The following PLCB1 variants were observed in gnomAD, a reference collection of about 807,000 sequenced individuals.
The protein encoded by PLCB1 is 1-phosphatidylinositol 4,5-bisphosphate phosphodiesterase beta-1.
A neutral mutation model predicts 161.8 loss-of-function variants in PLCB1; 46 were observed. That is an observed-to-expected ratio of 0.28 (90% CI 0.22 to 0.36). The LOEUF (loss-of-function observed/expected upper bound fraction) is 0.36. PLCB1 is among the 10% of genes least tolerant of loss of function. The pLI is 1.00. For synonymous variants in PLCB1, 517 were observed against 503.7 expected, an observed-to-expected ratio of 1.03 and a Z score of -0.35; for missense variants, 1,016 against 1,472.5, an observed-to-expected ratio of 0.69 and a Z score of 5.07.
rs542574255 is a variant in PLCB1 at position 8,228,899 on chromosome 20, A to G, written c.177+78528A>G. 8.5e-5 allele frequency among the ~76,000 whole-genome samples: 13 copies of G among 152,256 alleles called. No homozygotes were observed. The East Asian group carries it at 2.3e-3, about 27-fold the overall frequency. ...GCTCACAATTTGTTTTGTTGGGAAC[A>G]TTCAAAATCCTGTCTTATATATATT... On this transcript the variant is annotated intron_variant, in intron 2 of 31. Transcript: ENST00000338037.
intron 2 of PLCB1, among the ~76,000 whole-genome samples, chr20:8,354,943 A>G (rs1202772137): frequency 6.6e-6 from 1 of 152,170 alleles, no homozygotes; most frequent in African/African-American, 2.4e-5. Flanking sequence ...CATATATTAG[A>G]GAACGCTTGC....
At chr20:8,721,421 T>A (rs1488754891) in intron 14 of PLCB1, among the ~76,000 whole-genome samples, 1 of 152,232 alleles carries the variant, frequency 6.6e-6, no homozygotes. Context: ...AAATCTTTTT[T>A]ATATAACGGA....
At chr20:8,671,825 TC>T (rs1417397022) in intron 9 of PLCB1, among the ~76,000 whole-genome samples, 1 of 152,170 alleles carries the variant, frequency 6.6e-6, no homozygotes, top group African/African-American at 2.4e-5. Context: ...TATCTGTCTT[TC>T]CATTGCCCAG....
At chr20:8,240,531 A>AT (rs1317298221) in intron 2 of PLCB1, among the ~76,000 whole-genome samples, 4 of 151,340 alleles carry the variant, frequency 2.6e-5, no homozygotes, top group African/African-American at 9.7e-5. Context: ...GCTTGTTTTA[A>AT]TTTTTTTTCT....
chr20:8,860,316 G>A (rs1029657431), intron 31 of PLCB1, among the ~76,000 whole-genome samples: 7 of 152,190 alleles, frequency 4.6e-5, no homozygotes, highest in Non-Finnish European at 7.4e-5. Context: ...CTGGCAATAA[G>A]TTCATTTCCA....
chr20:8,601,951 C>G (rs1399708222), intron 3 of PLCB1, among the ~76,000 whole-genome samples: 1 of 152,178 alleles, frequency 6.6e-6, no homozygotes, highest in African/African-American at 2.4e-5. Context: ...CTCTTTCCCT[C>G]CCTTGCAGCA....
rs748166837 is a variant in PLCB1 at position 8,406,770 on chromosome 20, G to GA, written c.246+35326dup. Among the ~76,000 whole-genome samples, 14 of 152,174 alleles carry GA rather than the reference G, an allele frequency of 9.2e-5. No homozygotes were observed. The East Asian group carries it at 9.7e-4, about 11-fold the overall frequency. ...TTACCAGTATTACAGTAAATTCCCAGAAAAAACAAGAATTATAGTGATTTT... is the reference window on the plus strand; with the variant it reads ...TTACCAGTATTACAGTAAATTCCCAGAAAAAAACAAGAATTATAGTGATTTT... On this transcript the variant is annotated intron_variant, in intron 3 of 31. Coordinates refer to ENST00000338037, the MANE Select transcript of PLCB1 (RefSeq NM_015192.4).
chr20:8,272,626 AC>A (rs11475799), intron 2 of PLCB1, among the ~76,000 whole-genome samples: 11,487 of 152,054 alleles, frequency 0.076, 543 homozygotes, highest in East Asian at 0.18. Flanking sequence ...AGAAAACTAC[AC>A]TCCAAACCAG....
intron 31 of PLCB1, among the ~76,000 whole-genome samples, chr20:8,838,963 C>A (rs375008869): frequency 3.9e-5 from 6 of 152,284 alleles, no homozygotes; most frequent in African/African-American, 9.6e-5. Flanking sequence ...TCAAGGCCAG[C>A]AATACACCTA....
chr20:8,864,250 A>C (rs1434580821), intron 31 of PLCB1, among the ~76,000 whole-genome samples: 1 of 152,200 alleles, frequency 6.6e-6, no homozygotes, highest in Non-Finnish European at 1.5e-5. Flanking sequence ...AGTAATATCC[A>C]GCTCTTCTGG....
intron 23 of PLCB1, among the ~76,000 whole-genome samples, chr20:8,746,055 C>T (rs955929376): frequency 6.6e-6 from 1 of 152,130 alleles, no homozygotes; most frequent in Admixed American, 6.6e-5. Flanking sequence ...CCTCAGCCAC[C>T]CAAGTAGCCG....
At chr20:8,795,877 CAAA>C (rs368453811) in intron 31 of PLCB1, among the ~76,000 whole-genome samples, 1 of 71,744 alleles carries the variant, frequency 1.4e-5, no homozygotes. Flanking sequence ...CACCCTGTCT[CAAA>C]AAAAAAAAAA....
intron 2 of PLCB1, among the ~76,000 whole-genome samples, chr20:8,199,370 C>G (rs2052065072): frequency 1.3e-5 from 2 of 152,114 alleles, no homozygotes; most frequent in Admixed American, 6.6e-5. Flanking sequence ...AAAATTGAGT[C>G]TTATTGCATA....
chr20:8,229,408 G>C lies in PLCB1; in HGVS notation c.177+79037G>C, dbSNP rs552245198. 1.3e-3 allele frequency among the ~76,000 whole-genome samples: 193 copies of C among 152,102 alleles called. 2 individuals are homozygous for C. Among genetic ancestry groups the C allele is most frequent in the Non-Finnish European group, 3.7e-4 (25 of 68,006 alleles). The stretch of plus-strand genomic sequence containing the variant: ...TATCTTCCTGTGAGATTTTAAAACA[G>C]CTTGGTTCATAATTCAGGTAGCACT... On this transcript the variant is annotated intron_variant, in intron 2 of 31. Coordinates refer to ENST00000338037, the MANE Select transcript of PLCB1 (RefSeq NM_015192.4).
intron 3 of PLCB1, among the ~76,000 whole-genome samples, chr20:8,421,599 C>T (rs2122547065): frequency 6.6e-6 from 1 of 152,242 alleles, no homozygotes; most frequent in East Asian, 1.9e-4. Flanking sequence ...GACTTTAAGT[C>T]CTACATTAAA....
At chr20:8,364,317 T>C (rs1397006244) in intron 2 of PLCB1, among the ~76,000 whole-genome samples, 2 of 152,196 alleles carry the variant, frequency 1.3e-5, no homozygotes, top group African/African-American at 4.8e-5. Flanking sequence ...GCCAATAACA[T>C]TGGGCCAAAT....
chr20:8,339,298 G>T (rs1164338447), intron 2 of PLCB1, among the ~76,000 whole-genome samples: 1 of 152,166 alleles, frequency 6.6e-6, no homozygotes, highest in Non-Finnish European at 1.5e-5. Flanking sequence ...GATCACAGTG[G>T]TATGCTGTCA....
chr20:8,282,389 TA>T (rs1259979864), intron 2 of PLCB1, among the ~76,000 whole-genome samples: 3 of 152,182 alleles, frequency 2.0e-5, no homozygotes, highest in Non-Finnish European at 4.4e-5. Context: ...ACCTGTTGAG[TA>T]AAAGAAAAGC....
At chr20:8,384,274 T>C (rs896428194) in intron 3 of PLCB1, among the ~76,000 whole-genome samples, 1 of 151,896 alleles carries the variant, frequency 6.6e-6, no homozygotes, top group Non-Finnish European at 1.5e-5. Flanking sequence ...AGCAAGGTGG[T>C]CTTCAAACTC....
Sources: gnomAD v4.1 joint callset for allele counts (sites outside exome capture counted in the v4.1 genomes callset) on GRCh38, gnomAD v4.1.1 for gene constraint, MANE v1.5 for transcripts, NCBI Gene and HGNC (gene_info 2026-07-23, HGNC 2026-07-21) for gene names.